Variants in GABRA2 observed in about 807,000 individuals in gnomAD.
GABRA2 encodes gamma-aminobutyric acid type A receptor subunit alpha2.
A neutral mutation model predicts 48.7 loss-of-function variants in GABRA2; 16 were observed. The observed-to-expected ratio is 0.33, with a 90% CI of 0.22 to 0.50. The LOEUF (loss-of-function observed/expected upper bound fraction) is 0.50, where lower values mean the gene tolerates loss of function less well. GABRA2 is among the 20% of genes least tolerant of loss of function. The pLI, the probability that GABRA2 is intolerant of heterozygous loss-of-function variation, is 0.98. For synonymous variants in GABRA2, 185 were observed against 184.5 expected, an observed-to-expected ratio of 1.00 and a Z score of -0.02; for missense variants, 275 against 535.6, an observed-to-expected ratio of 0.51 and a Z score of 4.80.
chr4:46,322,838 T>C (rs1729686339), intron 4 of GABRA2, among the ~76,000 whole-genome samples: 1 of 152,014 alleles, frequency 6.6e-6, no homozygotes, highest in Non-Finnish European at 1.5e-5. Context: ...AGAAAAGCTC[T>C]CAGATGTCTT....
intron 3 of GABRA2, among the ~76,000 whole-genome samples, chr4:46,375,987 G>C (rs1291839811): frequency 6.6e-6 from 1 of 152,156 alleles, no homozygotes; most frequent in Non-Finnish European, 1.5e-5. Context: ...TCAATAGAAT[G>C]TTCTTATAAT....
chr4:46,301,230 C>A (rs1432055788), intron 8 of GABRA2, among the ~76,000 whole-genome samples: 1 of 152,120 alleles, frequency 6.6e-6, no homozygotes, highest in African/African-American at 2.4e-5. Context: ...GTGATAGTTT[C>A]ACAGATGTAT....
chr4:46,312,760 A>G, intron 4 of GABRA2, 44 bp from the exon 5 acceptor site: 1 of 950,946 alleles, frequency 1.1e-6, no homozygotes, highest in Non-Finnish European at 1.6e-6. Context: ...TAAATGTTGT[A>G]GACACAAGAC....
intron 8 of GABRA2, among the ~76,000 whole-genome samples, chr4:46,291,264 A>G (rs1329730769): frequency 6.6e-6 from 1 of 152,142 alleles, no homozygotes; most frequent in African/African-American, 2.4e-5. Context: ...TTCTCCACTT[A>G]TAATAGGTCT....
chr4:46,267,341 T>C (rs1718457214), intron 8 of GABRA2, among the ~76,000 whole-genome samples: 1 of 152,072 alleles, frequency 6.6e-6, no homozygotes, highest in Non-Finnish European at 1.5e-5. Flanking sequence ...TGGTAAAGTG[T>C]TTGAAACATC....
rs199761258 is a variant in GABRA2 at position 46,389,802 on chromosome 4, G to C, written c.-78C>G. ...TGATCTTGACGAGATAGGAAACTTG[G>C]GAGAGAGAGAGAGAGAGAGAGAGAG... On this transcript the variant is annotated 5_prime_UTR_variant, in exon 1 of 10. Transcript: ENST00000381620. The C allele has an allele frequency of 1.1e-5, 3 of 270,304 alleles. No individual in the cohort carries two copies. The highest frequency in any genetic ancestry group is 4.6e-4 in the Admixed American group (1 of 2,188). 16.7% of individuals were successfully genotyped at this position (270,304 alleles called of 1,614,324 possible).
chr4:46,303,340 A>C (rs1381166419), intron 8 of GABRA2, 120 bp downstream of exon 8: 10 of 987,728 alleles, frequency 1.0e-5, no homozygotes, highest in Non-Finnish European at 1.6e-5. Flanking sequence ...TATAAGGCAA[A>C]AACAATACTC....
At chr4:46,275,975 T>C (rs1720418831) in intron 8 of GABRA2, among the ~76,000 whole-genome samples, 1 of 152,150 alleles carries the variant, frequency 6.6e-6, no homozygotes, top group Admixed American at 6.6e-5. Flanking sequence ...GTAAATATTT[T>C]ACTATCTAGT....
At chr4:46,379,329 C>G (rs893353471) in intron 3 of GABRA2, among the ~76,000 whole-genome samples, 2 of 152,152 alleles carry the variant, frequency 1.3e-5, no homozygotes, top group African/African-American at 2.4e-5. Flanking sequence ...AAGCTGTGTC[C>G]ACAAGTCTCC....
chr4:46,390,141 G>C, upstream of GABRA2: 3 of 803,192 alleles, frequency 3.7e-6, no homozygotes, highest in Non-Finnish European at 4.5e-6. Context: ...AGGAGGAGGA[G>C]TCAGGCCGGG....
intron 1 of GABRA2, chr4:46,389,039 C>T (rs75297939): frequency 2.7e-6 from 3 of 1,106,778 alleles, no homozygotes; most frequent in Non-Finnish European, 2.2e-6. Flanking sequence ...TTTGCGCACA[C>T]GTAATAATAA....
intron 3 of GABRA2, among the ~76,000 whole-genome samples, chr4:46,363,371 T>C (rs952848948): frequency 6.6e-6 from 1 of 151,624 alleles, no homozygotes; most frequent in Non-Finnish European, 1.5e-5. Context: ...ATCAAATACA[T>C]AGAAGGGCAG....
intron 4 of GABRA2, among the ~76,000 whole-genome samples, chr4:46,329,512 A>G (rs1199486480): frequency 3.3e-5 from 5 of 152,116 alleles, no homozygotes; most frequent in Non-Finnish European, 7.3e-5. Context: ...TAGCAGCAGT[A>G]TCCCTCCAGT....
chr4:46,351,049 T>C (rs989593473), intron 3 of GABRA2, among the ~76,000 whole-genome samples: 9 of 151,904 alleles, frequency 5.9e-5, no homozygotes, highest in Admixed American at 1.3e-4. Context: ...TAATTTTTCT[T>C]CTGCTTTAGG....
chr4:46,328,893 T>G (rs2109792737), intron 4 of GABRA2, among the ~76,000 whole-genome samples: 1 of 152,216 alleles, frequency 6.6e-6, no homozygotes. Context: ...TGGAAATCAT[T>G]CATTTTGATC....
rs539476422 is a variant in GABRA2, at chr4:46,318,440, C to A, written c.256-5724G>T. 7.3e-5 allele frequency among the ~76,000 whole-genome samples: 11 copies of A among 151,490 alleles called. 1 individual carries two copies. The East Asian group carries it at 1.7e-3, about 24-fold the overall frequency. ...GAAGACATTTCAATAAAATAATATTCTTTGCATAGCCACTAAGTACAAGAT... is the reference window on the plus strand; with the variant it reads ...GAAGACATTTCAATAAAATAATATTATTTGCATAGCCACTAAGTACAAGAT... On this transcript the variant is annotated intron_variant, in intron 4 of 9. Coordinates refer to ENST00000381620, the MANE Select transcript of GABRA2 (RefSeq NM_000807.4).
intron 8 of GABRA2, among the ~76,000 whole-genome samples, chr4:46,295,640 C>T (rs963932428): frequency 2.0e-5 from 3 of 152,300 alleles, no homozygotes; most frequent in East Asian, 3.9e-4. Flanking sequence ...CTCACCAAGG[C>T]TGACCTGGCT....
At chr4:46,277,371 T>A (rs1720700370) in intron 8 of GABRA2, among the ~76,000 whole-genome samples, 1 of 152,174 alleles carries the variant, frequency 6.6e-6, no homozygotes, top group African/African-American at 2.4e-5. Context: ...AATTCTGGGA[T>A]GCCAGGTGTG....
At chr4:46,289,383 A>G (rs1052527919) in intron 8 of GABRA2, among the ~76,000 whole-genome samples, 4 of 152,192 alleles carry the variant, frequency 2.6e-5, no homozygotes, top group Non-Finnish European at 4.4e-5. Flanking sequence ...AAAGAATGAG[A>G]TCACGTCCTT....
Sources: gnomAD v4.1 joint callset for allele counts (sites outside exome capture counted in the v4.1 genomes callset) on GRCh38, gnomAD v4.1.1 for gene constraint, MANE v1.5 for transcripts, NCBI Gene and HGNC (gene_info 2026-07-23, HGNC 2026-07-21) for gene names.